The following MZT1 variants were observed in gnomAD, a reference collection of about 807,000 sequenced individuals.
The protein encoded by MZT1 is mitotic-spindle organizing protein 1.
Under a neutral mutation model 8.5 loss-of-function variants are expected in MZT1, and 8 were observed. The observed-to-expected ratio is 0.94, with a 90% CI of 0.55 to 1.70. The LOEUF is 1.70. MZT1 is among the 40% of genes most tolerant of loss of function. The pLI, the probability that MZT1 is intolerant of heterozygous loss-of-function variation, is 0.00. For missense variants in MZT1, 93 were observed against 108.6 expected (o/e 0.86, Z 0.64); for synonymous variants, 38 against 42.0 (o/e 0.90, Z 0.37).
At position 72,719,111 on chromosome 13, in the gene MZT1, CAAA is replaced by C; in HGVS notation, c.80-17_80-15del. 1.8e-5 allele frequency: 22 copies of C among 1,246,210 alleles called. No individual in the cohort carries two copies. The highest frequency in any genetic ancestry group is 6.5e-5 in the South Asian group (3 of 46,140). The allele number at this position is 1,246,210 out of a possible 1,614,324, so 77.2% of individuals were successfully genotyped here. On this transcript the variant is annotated splice_polypyrimidine_tract_variant and intron_variant, in intron 1 of 2. Transcript: ENST00000377818. ...TCTCAAGCAGAACTGAAAAAAGATA[CAAA>C]AAAAAAAAAAACTTAAGGCTTACAG...
In MZT1 at chr13:72,710,092, A is replaced by G; in HGVS notation, c.*230T>C. 2 of 541,900 alleles carry G rather than the reference A, an allele frequency of 3.7e-6. No homozygotes were observed. Among genetic ancestry groups the G allele is most frequent in the Non-Finnish European group, 6.6e-6 (2 of 303,816 alleles). 33.6% of individuals were successfully genotyped at this position (541,900 alleles called of 1,614,324 possible). A position where few individuals can be genotyped will look rare whatever the true frequency, so the allele number is the denominator to read the frequency against. On this transcript the variant is annotated 3_prime_UTR_variant, in exon 3 of 3. Coordinates refer to ENST00000377818, the MANE Select transcript of MZT1 (RefSeq NM_001071775.3). ...AATATGAACATAGCAATGCCAAAGC[A>G]TTAGAGCTGTTAAAAAAAGTGAATA...
intron 1 of MZT1, among the ~76,000 whole-genome samples, chr13:72,724,974 A>G (rs182564871): frequency 6.7e-6 from 1 of 148,918 alleles, no homozygotes; most frequent in African/African-American, 2.5e-5. Flanking sequence ...ATTGGTTCCC[A>G]TCCCCAGCTT....
At chr13:72,718,813 T>G in intron 2 of MZT1, 139 bp downstream of exon 2, 1 of 794,034 alleles carries the variant, frequency 1.3e-6, no homozygotes, top group Non-Finnish European at 1.9e-6. Context: ...GAACATACAC[T>G]ATTGAGCTCC....
intron 2 of MZT1, among the ~76,000 whole-genome samples, chr13:72,716,303 G>A (rs987389415): frequency 6.6e-6 from 1 of 152,180 alleles, no homozygotes; most frequent in Non-Finnish European, 1.5e-5. Context: ...GAGAGCAAGA[G>A]AGAGGGGTTA....
intron 2 of MZT1, among the ~76,000 whole-genome samples, chr13:72,715,357 AC>A (rs148921507): frequency 0.1 from 15,771 of 152,186 alleles, 1,087 homozygotes; most frequent in Non-Finnish European, 0.16. Context: ...TTTAGATTTT[AC>A]AGGCTCATAG....
intron 1 of MZT1, among the ~76,000 whole-genome samples, chr13:72,725,740 C>A (rs1278565989): frequency 6.6e-6 from 1 of 152,008 alleles, no homozygotes; most frequent in Non-Finnish European, 1.5e-5. Context: ...ATCAGTGATT[C>A]CACCAGAGAA....
intron 2 of MZT1, among the ~76,000 whole-genome samples, chr13:72,716,768 G>GT (rs930050682): frequency 6.6e-6 from 1 of 152,216 alleles, no homozygotes; most frequent in African/African-American, 2.4e-5. Flanking sequence ...AATAGGACAT[G>GT]TTTTTAGTTG....
In MZT1 at chr13:72,709,329, G is replaced by A. The variant is rs2032464502; in HGVS notation, c.*993C>T. 6.6e-6 allele frequency: 1 copy of A among 151,586 alleles called. No individual in the cohort carries two copies. Among genetic ancestry groups the A allele is most frequent in the South Asian group, 2.1e-4 (1 of 4,810 alleles). The allele number at this position is 151,586 out of a possible 1,614,324, so 9.4% of individuals were successfully genotyped here. A position where few individuals can be genotyped will look rare whatever the true frequency, so the allele number is the denominator to read the frequency against. ...AACACATCACCCATCTAATAAGATT[G>A]TTTAGTTTTGTTTAATGACTGGAAA... On this transcript the variant is annotated 3_prime_UTR_variant, in exon 3 of 3. Coordinates refer to ENST00000377818, the MANE Select transcript of MZT1 (RefSeq NM_001071775.3).
At chr13:72,724,530 C>T (rs1486847549) in intron 1 of MZT1, among the ~76,000 whole-genome samples, 2 of 139,916 alleles carry the variant, frequency 1.4e-5, no homozygotes, top group Non-Finnish European at 3.1e-5. Context: ...ACTCCTTTCT[C>T]TATAACGTGT....
At chr13:72,718,475 T>A (rs1315667251) in intron 2 of MZT1, among the ~76,000 whole-genome samples, 1 of 151,824 alleles carries the variant, frequency 6.6e-6, no homozygotes, top group African/African-American at 2.4e-5. Flanking sequence ...GTAGTAGTAA[T>A]TTTTCTTTTT....
Position 72,716,885 on chromosome 13 carries a change from C to T in MZT1, c.225+2067G>A, listed in dbSNP as rs536484941. On this transcript the variant is annotated intron_variant, in intron 2 of 2. Transcript: ENST00000377818. Reference sequence around the variant, plus strand: ...ATGGTCTCTGAGGCGCTCTTGGAGTCACTTTTTCCTTTTCTTGAAGGATAA... The same window carrying T: ...ATGGTCTCTGAGGCGCTCTTGGAGTTACTTTTTCCTTTTCTTGAAGGATAA... Among the ~76,000 whole-genome samples the T allele has an allele frequency of 3.9e-5, 6 of 152,288 alleles. No homozygotes were observed. In the South Asian group the frequency reaches 1.2e-3, roughly 32 times the overall value.
intron 1 of MZT1, among the ~76,000 whole-genome samples, chr13:72,726,941 T>C (rs1359990201): frequency 6.6e-6 from 1 of 152,138 alleles, no homozygotes; most frequent in African/African-American, 2.4e-5. Flanking sequence ...GGCGACACCA[T>C]AGCACTTGGG....
intron 2 of MZT1, among the ~76,000 whole-genome samples, chr13:72,714,728 A>G (rs1165582404): frequency 1.3e-5 from 2 of 152,244 alleles, no homozygotes; most frequent in Non-Finnish European, 2.9e-5. Flanking sequence ...AGAGGATCCA[A>G]GACATAAGCC....
At chr13:72,715,658 C>A (rs2032528273) in intron 2 of MZT1, among the ~76,000 whole-genome samples, 2 of 152,206 alleles carry the variant, frequency 1.3e-5, no homozygotes, top group East Asian at 3.9e-4. Flanking sequence ...GGTTTAGCAC[C>A]ATCCTCTTGG....
chr13:72,720,934 T>TA (rs35737085), intron 1 of MZT1, among the ~76,000 whole-genome samples: 132,778 of 149,730 alleles, frequency 0.89, 60,500 homozygotes, highest in Non-Finnish European at 0.98. Context: ...ATTTGAGTCT[T>TA]AAAAAAAAAA....
At chr13:72,724,867 C>T (rs2032630841) in intron 1 of MZT1, among the ~76,000 whole-genome samples, 1 of 147,586 alleles carries the variant, frequency 6.8e-6, no homozygotes. Context: ...GACTGGCCAA[C>T]ATGGTGAAAC....
intron 1 of MZT1, among the ~76,000 whole-genome samples, chr13:72,727,110 TG>T (rs534622026): frequency 1.4e-4 from 22 of 152,220 alleles, no homozygotes; most frequent in Admixed American, 4.6e-4. Flanking sequence ...ATCCCAACCT[TG>T]GGGACCCCCG....
intron 2 of MZT1, among the ~76,000 whole-genome samples, chr13:72,718,298 A>G (rs1259440894): frequency 6.6e-6 from 1 of 152,192 alleles, no homozygotes. Flanking sequence ...GGATGACCTC[A>G]TCTTAATTTG....
At chr13:72,711,475 ACT>A (rs1445868346) in intron 2 of MZT1, among the ~76,000 whole-genome samples, 1 of 152,138 alleles carries the variant, frequency 6.6e-6, no homozygotes, top group Non-Finnish European at 1.5e-5. Context: ...AAAAATAGTT[ACT>A]GTTTTCTAAA....
Sources: gnomAD v4.1 joint callset for allele counts (sites outside exome capture counted in the v4.1 genomes callset) on GRCh38, gnomAD v4.1.1 for gene constraint, MANE v1.5 for transcripts, NCBI Gene and HGNC (gene_info 2026-07-23, HGNC 2026-07-21) for gene names.